Variants in FHAD1 observed in about 807,000 individuals in gnomAD.
FHAD1 encodes the protein forkhead-associated domain-containing protein 1.
A neutral mutation model predicts 191.3 loss-of-function variants in FHAD1; 146 were observed. The ratio of observed to expected loss-of-function variants is 0.76; its 90% CI spans 0.67 to 0.88. The LOEUF is 0.88. Among genes scored for constraint, FHAD1 ranks in the 40% least tolerant of loss-of-function variants. The pLI is 0.00. For synonymous variants in FHAD1, 616 were observed against 672.3 expected, an observed-to-expected ratio of 0.92 and a Z score of 1.29; for missense variants, 1,635 against 1,785.8, an observed-to-expected ratio of 0.92 and a Z score of 1.52.
intron 19 of FHAD1, 148 bp from the exon 20 acceptor site, chr1:15,352,729 C>T: frequency 1.6e-6 from 1 of 632,752 alleles, no homozygotes; most frequent in Non-Finnish European, 2.8e-6. Flanking sequence ...TGGTTCTCAC[C>T]TCTGTCCCCA....
At position 15,318,993 on chromosome 1, in the gene FHAD1, AT is replaced by A. The variant is rs71572149; in HGVS notation, c.1365+1077del. Among the ~76,000 whole-genome samples, 4,758 of 148,136 alleles carry A rather than the reference AT, an allele frequency of 0.032. 166 individuals are homozygous for A. Among genetic ancestry groups the A allele is most frequent in the African/African-American group, 0.09 (3,666 of 40,674 alleles). On this transcript the variant is annotated intron_variant, in intron 10 of 33. Transcript: ENST00000688493. This position sits in a 1 kb window ranked among gnomAD's most constrained non-coding sequence, Gnocchi z 4.1. ...ATGGTTGTCATTGAGAAAACTAAGA[AT>A]TTTTTTTTTTTAATAAATAAAGACA...
intron 20 of FHAD1, among the ~76,000 whole-genome samples, chr1:15,355,563 G>A (rs1259362377): frequency 1.3e-5 from 2 of 152,196 alleles, no homozygotes; most frequent in Non-Finnish European, 1.5e-5. Context: ...TGGTCTACTC[G>A]TAAGCAGGGC....
At chr1:15,374,125 G>A (rs1236648585) in intron 26 of FHAD1, among the ~76,000 whole-genome samples, 3 of 152,124 alleles carry the variant, frequency 2.0e-5, no homozygotes, top group Non-Finnish European at 2.9e-5. Flanking sequence ...TTAAAAGAAA[G>A]CATCATGGGT....
Position 15,381,009 on chromosome 1 carries a change from G to A in FHAD1, c.3801+213G>A, listed in dbSNP as rs774222291. 4.6e-4 allele frequency among the ~76,000 whole-genome samples: 70 copies of A among 152,264 alleles called. No individual in the cohort carries two copies. The highest frequency in any genetic ancestry group is 6.3e-4 in the Non-Finnish European group (43 of 68,018). On this transcript the variant is annotated intron_variant, in intron 29 of 33. Coordinates refer to ENST00000688493, the MANE Select transcript of FHAD1 (RefSeq NM_001391957.1). This position sits in a 1 kb window ranked among gnomAD's most constrained non-coding sequence, Gnocchi z 4.6. ...TGGTTAGAATGAAGTGTTTATATCT[G>A]TTGTCATTTTTCACCCCCGGTTCTC...
chr1:15,346,896 G>A (rs1689115420), intron 18 of FHAD1, among the ~76,000 whole-genome samples: 1 of 152,204 alleles, frequency 6.6e-6, no homozygotes, highest in South Asian at 2.1e-4. Flanking sequence ...CTGGCCTGCG[G>A]AATGATTGCC....
intron 3 of FHAD1, among the ~76,000 whole-genome samples, chr1:15,285,938 A>C (rs1662256698): frequency 6.6e-6 from 1 of 152,264 alleles, no homozygotes; most frequent in Non-Finnish European, 1.5e-5. Flanking sequence ...TAAGTGAAAT[A>C]AACCAGTCAC....
In FHAD1 at chr1:15,369,425, C is replaced by G; in HGVS notation, c.3370C>G (p.Arg1124Gly). Residue 1124 changes from arginine to glycine, a missense_variant, in exon 26 of 34, where the codon CGG (arginine) becomes GGG (glycine). By Grantham distance (125) the Arg-to-Gly change is moderately radical. Transcript: ENST00000688493. ...GAACACAGAGAAGGAACAGAAGCCC[C>G]GGAAGAAGACCCAGACGTGTGACAC... Reference protein sequence around the residue: ...QLNTEKEQKPRKKTQTCDTSV... With the variant: ...QLNTEKEQKPGKKTQTCDTSV... 6.4e-7 allele frequency: 1 copy of G among 1,551,872 alleles called. No homozygotes were observed. Among genetic ancestry groups the G allele is most frequent in the Non-Finnish European group, 8.7e-7 (1 of 1,147,032 alleles).
intron 31 of FHAD1, chr1:15,384,630 C>G (rs2473335): frequency 0.35 from 53,664 of 152,166 alleles, 11,426 homozygotes; most frequent in African/African-American, 0.6. Context: ...AGCCTTCCAC[C>G]GAGCGGGAGG....
intron 16 of FHAD1, among the ~76,000 whole-genome samples, chr1:15,344,261 T>G (rs1419367159): frequency 6.6e-6 from 1 of 152,210 alleles, no homozygotes; most frequent in African/African-American, 2.4e-5. Context: ...ACCTGCCCTT[T>G]CCGAAAATAC....
chr1:15,299,621 A>G (rs1390831221), intron 5 of FHAD1, among the ~76,000 whole-genome samples: 2 of 152,224 alleles, frequency 1.3e-5, no homozygotes, highest in African/African-American at 4.8e-5. Flanking sequence ...TGGAAGGGTC[A>G]GGGGTGCTCC....
chr1:15,330,687 G>C (rs1243005974), intron 14 of FHAD1, among the ~76,000 whole-genome samples: 1 of 152,216 alleles, frequency 6.6e-6, no homozygotes, highest in Non-Finnish European at 1.5e-5. Context: ...AGAGCATTCT[G>C]AGTACAGGAG....
In FHAD1 at chr1:15,375,652, A is replaced by G. The variant is rs895625600; in HGVS notation, c.3627A>G (p.Arg1209=). The G allele has an allele frequency of 3.2e-5, 50 of 1,547,914 alleles. No homozygotes were observed. The highest frequency in any genetic ancestry group is 1.7e-4 in the Middle Eastern group (1 of 5,968). ...CATTTCTAGATTTAAAGAACCTCAG[A>G]ATGGAAAACAATGTCCAGAAAATAC... The part of the protein sequence containing the change: ...NESFLDLKNL[R]MENNVQKILL... The change falls in exon 28 of 34, where the codon AGA becomes AGG. Residue 1209 remains arginine, a synonymous_variant. Coordinates refer to ENST00000688493, the MANE Select transcript of FHAD1 (RefSeq NM_001391957.1).
intron 26 of FHAD1, among the ~76,000 whole-genome samples, chr1:15,373,285 C>A (rs1385616200): frequency 6.6e-6 from 1 of 151,042 alleles, no homozygotes; most frequent in Non-Finnish European, 1.5e-5. Context: ...CCGAGGGAGG[C>A]GGATCACGAG....
rs201917813 is a variant in FHAD1 at position 15,258,582 on chromosome 1, CTCT to C, written c.93+6707_93+6709del. On this transcript the variant is annotated intron_variant, in intron 2 of 33. Coordinates refer to ENST00000688493, the MANE Select transcript of FHAD1 (RefSeq NM_001391957.1). ...CATGAGTGTCCAGATATCTCTGTCT[CTCT>C]TTTTTTTTTTTTTAATGGAGTCAGA... 6.8e-3 allele frequency among the ~76,000 whole-genome samples: 945 copies of C among 139,304 alleles called. 47 individuals carry two copies. The East Asian group carries it at 0.1, about 15-fold the overall frequency. 91.4% of individuals were successfully genotyped at this position (139,304 alleles called of 152,430 possible). A position where few individuals can be genotyped will look rare whatever the true frequency, so the allele number is the denominator to read the frequency against.
intron 2 of FHAD1, among the ~76,000 whole-genome samples, chr1:15,269,461 G>A (rs1017886910): frequency 1.3e-5 from 2 of 152,098 alleles, no homozygotes; most frequent in African/African-American, 2.4e-5. Context: ...AATGTTTTGG[G>A]ATTTTCCACC....
rs1440969556 is a variant in FHAD1, at chr1:15,381,765, A to G, written c.4023-263A>G. ...GCATTGACAGCTCCGTCATATTTTCAAGAGTCGCAGTTCCCCACTCCCCAG... is the reference window on the plus strand; with the variant it reads ...GCATTGACAGCTCCGTCATATTTTCGAGAGTCGCAGTTCCCCACTCCCCAG... On this transcript the variant is annotated intron_variant, in intron 30 of 33. Coordinates refer to ENST00000688493, the MANE Select transcript of FHAD1 (RefSeq NM_001391957.1). The surrounding 1 kb of genome is among the most constrained non-coding windows in gnomAD (Gnocchi z 4.6). Among the ~76,000 whole-genome samples the G allele has an allele frequency of 6.6e-6, 1 of 151,906 alleles. No individual in the cohort carries two copies. Among genetic ancestry groups the G allele is most frequent in the Non-Finnish European group, 1.5e-5 (1 of 68,018 alleles).
upstream of FHAD1, among the ~76,000 whole-genome samples, chr1:15,244,159 G>C (rs1166951932): frequency 6.6e-6 from 1 of 151,852 alleles, no homozygotes; most frequent in African/African-American, 2.4e-5. The surrounding 1 kb of genome is among the most constrained non-coding windows in gnomAD (Gnocchi z 5.1). Flanking sequence ...CTAAGTTATT[G>C]GGTATTTGAT....
At position 15,272,537 on chromosome 1, in the gene FHAD1, C is replaced by T. The variant is rs190738579; in HGVS notation, c.300+8C>T. 5 of 1,539,702 alleles carry T rather than the reference C, an allele frequency of 3.2e-6. No homozygotes were observed. The highest frequency in any genetic ancestry group is 2.5e-5 in the East Asian group (1 of 40,582). On this transcript the variant is annotated splice_region_variant and intron_variant, in intron 3 of 33. Transcript: ENST00000688493. ...ATTGAAAATCCACCTCCGGTGAGTCCGGGCCACTGGGGGATAGAGGGGCCA... is the reference window on the plus strand; with the variant it reads ...ATTGAAAATCCACCTCCGGTGAGTCTGGGCCACTGGGGGATAGAGGGGCCA...
intron 21 of FHAD1, 26 bp downstream of exon 21, chr1:15,358,309 G>A (rs887510597): frequency 6.6e-7 from 1 of 1,518,076 alleles, no homozygotes; most frequent in African/African-American, 1.4e-5. Context: ...CCGGGAACGG[G>A]AGAATTTTTC....
Sources: gnomAD v4.1 joint callset for allele counts (sites outside exome capture counted in the v4.1 genomes callset) on GRCh38, gnomAD v4.1.1 for gene constraint, Gnocchi (gnomAD v3.1) non-coding constraint, MANE v1.5 for transcripts, NCBI Gene and HGNC (gene_info 2026-07-23, HGNC 2026-07-21) for gene names.